ULK4: variants seen among roughly 807,000 people sequenced by gnomAD.
The protein encoded by ULK4 is unc-51 like kinase 4.
In ULK4, 133 loss-of-function variants were observed where a neutral mutation model predicts 160.6. The observed-to-expected ratio is 0.83, with a 90% CI of 0.72 to 0.96. The LOEUF is 0.96. Ranked by LOEUF, ULK4 falls within the 40% of genes least tolerant of loss-of-function variation. ULK4 has a pLI of 0.00. For synonymous variants in ULK4, 534 were observed against 539.8 expected, an observed-to-expected ratio of 0.99 and a Z score of 0.15; for missense variants, 1,580 against 1,499.5, an observed-to-expected ratio of 1.05 and a Z score of -0.89.
intron 21 of ULK4, among the ~76,000 whole-genome samples, chr3:41,774,205 A>G (rs1327219037): frequency 6.6e-6 from 1 of 151,912 alleles, no homozygotes; most frequent in East Asian, 1.9e-4. Context: ...TGGCAACAAA[A>G]GCCAAAATTG....
intron 5 of ULK4, among the ~76,000 whole-genome samples, chr3:41,931,315 A>C (rs1378922422): frequency 6.6e-6 from 1 of 152,028 alleles, no homozygotes; most frequent in Non-Finnish European, 1.5e-5. Context: ...GGAACATCAC[A>C]CACCGGGGCC....
chr3:41,794,684 AAACAC>A lies in ULK4; in HGVS notation c.2011-4846_2011-4842del, dbSNP rs1338097214. Among the ~76,000 whole-genome samples the A allele has an allele frequency of 5.4e-4, 69 of 128,474 alleles. 1 individual carries two copies. The highest frequency in any genetic ancestry group is 8.3e-4 in the Non-Finnish European group (51 of 61,442). The allele number at this position is 128,474 out of a possible 152,430, so 84.3% of individuals were successfully genotyped here. A position where few individuals can be genotyped will look rare whatever the true frequency, so the allele number is the denominator to read the frequency against. On this transcript the variant is annotated intron_variant, in intron 20 of 36. Transcript: ENST00000301831. The stretch of plus-strand genomic sequence containing the variant: ...TCAAAAAAAAAAAAAAAAAAAAAAA[AAACAC>A]AGAAAAAAAAACCACAAACCTGTGT...
At chr3:41,530,621 AC>A (rs1374041698) in intron 32 of ULK4, among the ~76,000 whole-genome samples, 2 of 152,184 alleles carry the variant, frequency 1.3e-5, no homozygotes, top group Non-Finnish European at 2.9e-5. Flanking sequence ...CTGCCAACCT[AC>A]AGACAAGAGT....
intron 32 of ULK4, among the ~76,000 whole-genome samples, chr3:41,526,377 G>C (rs1214325052): frequency 6.6e-6 from 1 of 152,136 alleles, no homozygotes; most frequent in Non-Finnish European, 1.5e-5. Context: ...ATTTGTGCCT[G>C]TTACTTAAAC....
chr3:41,430,454 G>A (rs1383698960), intron 34 of ULK4, among the ~76,000 whole-genome samples: 3 of 152,180 alleles, frequency 2.0e-5, no homozygotes, highest in African/African-American at 7.2e-5. Flanking sequence ...TCTGCTTCGT[G>A]TGCCTTCATG....
rs535860624 is a variant in ULK4 at position 41,586,572 on chromosome 3, G to T, written c.3121-20442C>A. Among the ~76,000 whole-genome samples the T allele has an allele frequency of 2.0e-5, 3 of 152,236 alleles. 1 individual carries two copies. In the South Asian group the frequency reaches 6.2e-4, roughly 32 times the overall value. On this transcript the variant is annotated intron_variant, in intron 31 of 36. Coordinates refer to ENST00000301831, the MANE Select transcript of ULK4 (RefSeq NM_017886.4). Reference sequence around the variant, plus strand: ...ATGAAACAAGTTCTAGAGATTCATTGTATAACAATGTGAATATACTTAATG... The same window carrying T: ...ATGAAACAAGTTCTAGAGATTCATTTTATAACAATGTGAATATACTTAATG...
At chr3:41,370,224 AC>A in intron 35 of ULK4, among the ~76,000 whole-genome samples, 1 of 152,324 alleles carries the variant, frequency 6.6e-6, no homozygotes, top group African/African-American at 2.4e-5. Context: ...TGGCATCAAA[AC>A]TTTTGTGGAA....
At chr3:41,365,782 G>A (rs2081242601) in intron 35 of ULK4, among the ~76,000 whole-genome samples, 1 of 151,964 alleles carries the variant, frequency 6.6e-6, no homozygotes, top group Non-Finnish European at 1.5e-5. Flanking sequence ...GCAGCACCTT[G>A]TAAGAATTAA....
intron 30 of ULK4, among the ~76,000 whole-genome samples, chr3:41,653,112 G>C (rs79164290): frequency 2.6e-5 from 4 of 152,036 alleles, no homozygotes; most frequent in Non-Finnish European, 5.9e-5. Flanking sequence ...ACTAGCCTTC[G>C]GGCATATCTT....
At chr3:41,762,655 CTTTTTTTTTT>C (rs35695794) in intron 21 of ULK4, among the ~76,000 whole-genome samples, 1,206 of 89,026 alleles carry the variant, frequency 0.014, 69 homozygotes, top group Admixed American at 0.12. Context: ...AAGTGTTACA[CTTTTTTTTTT>C]TTTTTTTTTT....
rs1234199511 is a variant in ULK4, at chr3:41,619,069, A to G, written c.3072-3352T>C. Reference sequence around the variant, plus strand: ...TAATGGTAAAGGGATCAATGCAACAAGAAGAGCTACCTGTGCTAAATATAT... The same window carrying G: ...TAATGGTAAAGGGATCAATGCAACAGGAAGAGCTACCTGTGCTAAATATAT... On this transcript the variant is annotated intron_variant, in intron 30 of 36. Transcript: ENST00000301831. Among the ~76,000 whole-genome samples, 7 of 152,202 alleles carry G rather than the reference A, an allele frequency of 4.6e-5. No individual in the cohort carries two copies. The South Asian group carries it at 1.5e-3, about 32-fold the overall frequency.
intron 32 of ULK4, among the ~76,000 whole-genome samples, chr3:41,477,939 T>C (rs1195693728): frequency 6.6e-6 from 1 of 152,234 alleles, no homozygotes; most frequent in Non-Finnish European, 1.5e-5. Flanking sequence ...GGGTCTAACA[T>C]GCTCACCTAG....
chr3:41,391,741 A>T (rs13319078), intron 35 of ULK4, among the ~76,000 whole-genome samples: 87,151 of 151,828 alleles, frequency 0.57, 26,530 homozygotes, highest in African/African-American at 0.8. Flanking sequence ...TATATGAGAA[A>T]TCAGAAGGAA....
chr3:41,704,361 T>A (rs941833794), intron 27 of ULK4, among the ~76,000 whole-genome samples: 3 of 152,172 alleles, frequency 2.0e-5, no homozygotes, highest in Non-Finnish European at 4.4e-5. Context: ...GATGGAACCA[T>A]GTGTCTGCTC....
intron 17 of ULK4, among the ~76,000 whole-genome samples, chr3:41,876,986 A>G (rs1716656): frequency 0.93 from 141,310 of 152,226 alleles, 66,432 homozygotes; most frequent in East Asian, 1. Context: ...TCATTAAGCA[A>G]TACATTTATG....
chr3:41,916,704 ATT>A (rs34268274), intron 7 of ULK4, among the ~76,000 whole-genome samples: 14 of 126,838 alleles, frequency 1.1e-4, no homozygotes, highest in Admixed American at 2.6e-4. Flanking sequence ...AGCTCCAACT[ATT>A]TTTTTTTTTT....
chr3:41,956,497 G>A (rs531114980), intron 1 of ULK4, among the ~76,000 whole-genome samples: 1 of 152,248 alleles, frequency 6.6e-6, no homozygotes, highest in Non-Finnish European at 1.5e-5. Context: ...AAAATGCCAA[G>A]AACCTGGACA....
rs535845272 is a variant in ULK4, at chr3:41,667,678, A to C, written c.2979-3979T>G. Reference sequence around the variant, plus strand: ...GCCAGAGACTAAGATCACTGTTGACATAACAGTACCCTGTCCAGACAGTAT... The same window carrying C: ...GCCAGAGACTAAGATCACTGTTGACCTAACAGTACCCTGTCCAGACAGTAT... On this transcript the variant is annotated intron_variant, in intron 29 of 36. Coordinates refer to ENST00000301831, the MANE Select transcript of ULK4 (RefSeq NM_017886.4). Among the ~76,000 whole-genome samples the C allele has an allele frequency of 5.3e-4, 81 of 152,318 alleles. 1 individual carries two copies. The highest frequency in any genetic ancestry group is 8.1e-4 in the Non-Finnish European group (55 of 68,032).
intron 22 of ULK4, among the ~76,000 whole-genome samples, chr3:41,750,796 C>T (rs377064072): frequency 2.7e-4 from 41 of 151,786 alleles, no homozygotes; most frequent in African/African-American, 9.2e-4. Context: ...GGGAGTTCAG[C>T]CTGACCAACA....
Sources: allele counts gnomAD v4.1 joint callset (sites outside exome capture counted in the v4.1 genomes callset), GRCh38; gene constraint gnomAD v4.1.1; transcripts MANE v1.5; gene names NCBI Gene and HGNC (gene_info 2026-07-23, HGNC 2026-07-21).